The following PPAN variants were observed in gnomAD, a reference collection of about 807,000 sequenced individuals.
PPAN encodes the protein peter pan homolog.
In PPAN, 39 loss-of-function variants were observed where a neutral mutation model predicts 48.5. The observed-to-expected ratio is 0.80, with a 90% CI of 0.62 to 1.05. The LOEUF is 1.05. Among genes scored for constraint, PPAN ranks in the 50% least tolerant of loss-of-function variants. The probability of loss-of-function intolerance (pLI) is 0.00; values close to 1 mark genes in which losing one functional copy is unlikely to be tolerated. For missense variants in PPAN, 736 were observed against 661.7 expected (o/e 1.11, Z -1.23); for synonymous variants, 315 against 268.6 (o/e 1.17, Z -1.69).
intron 2 of PPAN, 152 bp downstream of exon 2, chr19:10,106,823 G>C: frequency 7.8e-7 from 1 of 1,274,492 alleles, no homozygotes; most frequent in South Asian, 1.6e-5. Flanking sequence ...TGCCTTTCAG[G>C]GCTTTTGCTG....
chr19:10,111,371 C>T lies in PPAN; in HGVS notation c.*206C>T. ...AACCCAGAGAGTCCTGGGCCGGCCA[C>T]ACCCGAGAGTCCCTCCCACCTGGTT... On this transcript the variant is annotated 3_prime_UTR_variant, in exon 12 of 12. Coordinates refer to ENST00000253107, the MANE Select transcript of PPAN (RefSeq NM_020230.7). The T allele has an allele frequency of 1.4e-6, 1 of 694,784 alleles. No homozygotes were observed. Among genetic ancestry groups the T allele is most frequent in the Admixed American group, 2.9e-5 (1 of 33,950 alleles). 43.0% of individuals were successfully genotyped at this position (694,784 alleles called of 1,614,324 possible). A position where few individuals can be genotyped will look rare whatever the true frequency, so the allele number is the denominator to read the frequency against.
Position 10,111,020 on chromosome 19 carries a change from G to C in PPAN, c.1277G>C (p.Arg426Pro), listed in dbSNP as rs867913672. 27 of 1,613,454 alleles carry C rather than the reference G, an allele frequency of 1.7e-5. No individual in the cohort carries two copies. In the Admixed American group the frequency reaches 3.7e-4, roughly 22 times the overall value. The change falls in exon 12 of 12, where the codon CGA becomes CCA. Residue 426 changes from arginine to proline, a missense_variant. Physicochemically the swap from Arg to Pro is moderately radical, Grantham distance 103. Coordinates refer to ENST00000253107, the MANE Select transcript of PPAN (RefSeq NM_020230.7). The stretch of plus-strand genomic sequence containing the variant: ...AAGCGGAAGCGGTGGGAAATGGATC[G>C]AGGCAGGGGTCGCCTTTGTGACCAG... The part of the protein sequence containing the change: ...GRKRKRWEMD[R>P]GRGRLCDQKF...
At position 10,106,823 on chromosome 19, in the gene PPAN, G is replaced by A; in HGVS notation, c.189+152G>A. ...GGGGAGCATCATTTCTGCCTTTCAG[G>A]GCTTTTGCTGGGCTGGAGTGAGGGC... On this transcript the variant is annotated intron_variant, in intron 2 of 11. Coordinates refer to ENST00000253107, the MANE Select transcript of PPAN (RefSeq NM_020230.7). 19 of 1,274,492 alleles carry A rather than the reference G, an allele frequency of 1.5e-5. No homozygotes were observed. The South Asian group carries it at 2.0e-4, about 14-fold the overall frequency. The allele number at this position is 1,274,492 out of a possible 1,614,324, so 78.9% of individuals were successfully genotyped here.
intron 6 of PPAN, 37 bp from the exon 7 acceptor site, chr19:10,109,876 C>T: frequency 6.2e-7 from 1 of 1,610,760 alleles, no homozygotes; most frequent in Non-Finnish European, 8.5e-7. Context: ...CACGTGCCCC[C>T]TGACCACCCC....
chr19:10,107,479 T>C (rs752932749), intron 2 of PPAN, 26 bp from the exon 3 acceptor site: 36 of 1,610,344 alleles, frequency 2.2e-5, no homozygotes, highest in Non-Finnish European at 2.8e-5. Context: ...AGCTATGTTT[T>C]CTTTTTTTCT....
chr19:10,107,169 C>T (rs2088858648), intron 2 of PPAN, among the ~76,000 whole-genome samples: 1 of 151,910 alleles, frequency 6.6e-6, no homozygotes, highest in African/African-American at 2.4e-5. Context: ...TCTGGGCGAC[C>T]GGAGGAGACC....
At chr19:10,108,275 C>T (rs2088909566) in intron 5 of PPAN, 141 bp downstream of exon 5, 6 of 1,289,418 alleles carry the variant, frequency 4.7e-6, no homozygotes, top group Non-Finnish European at 6.2e-6. Context: ...TCAAATCCCA[C>T]TCCTGTGTCT....
chr19:10,106,698 C>G, intron 2 of PPAN, 27 bp downstream of exon 2: 1 of 1,508,148 alleles, frequency 6.6e-7, no homozygotes, highest in African/African-American at 1.4e-5. Context: ...CAGCCCGCCT[C>G]CACCCACCCT....
In PPAN at chr19:10,108,035, A is replaced by G; in HGVS notation, c.414A>G (p.Pro138=). 6.2e-7 allele frequency: 1 copy of G among 1,613,422 alleles called. No individual in the cohort carries two copies. Among genetic ancestry groups the G allele is most frequent in the Non-Finnish European group, 8.5e-7 (1 of 1,179,800 alleles). ...HRMHEQQFAH[P]PLLVLNSFGP... The stretch of plus-strand genomic sequence containing the variant: ...TGCACGAGCAGCAGTTTGCCCACCC[A>G]CCCCTCCTGGTACTCAACAGCTTTG... Residue 138 remains proline, a synonymous_variant, in exon 5 of 12, where the codon CCA becomes CCG. Coordinates refer to ENST00000253107, the MANE Select transcript of PPAN (RefSeq NM_020230.7).
chr19:10,110,786 A>G lies in PPAN; in HGVS notation c.1121A>G (p.Glu374Gly), dbSNP rs1159411719. 1.2e-6 allele frequency: 2 copies of G among 1,613,904 alleles called. No individual in the cohort carries two copies. Among genetic ancestry groups the G allele is most frequent in the Middle Eastern group, 1.6e-4 (1 of 6,062 alleles). Residue 374 changes from glutamate to glycine, a missense_variant, in exon 11 of 12, where the codon GAG becomes GGG. Transcript: ENST00000253107. The surrounding 1 kb of genome is among the most constrained non-coding windows in gnomAD (Gnocchi z 5.9). ...SGIPSRTASL[E>G]LGEDDDEQED... ...ATCCCTTCAAGGACGGCGAGCCTGG[A>G]GTTGGGTGAGGACGATGATGAACAG...
chr19:10,110,237 G>A lies in PPAN; in HGVS notation c.813G>A (p.Arg271=). 2 of 1,611,300 alleles carry A rather than the reference G, an allele frequency of 1.2e-6. No homozygotes were observed. Among genetic ancestry groups the A allele is most frequent in the Non-Finnish European group, 8.5e-7 (1 of 1,179,612 alleles). ...GNMRAQQSAV[R]LTEIGPRMTL... The stretch of plus-strand genomic sequence containing the variant: ...TGCGGGCCCAGCAGAGTGCAGTGCG[G>A]CTCACCGAGGTGAGGCCCAGGGCAG... Residue 271 remains arginine, a synonymous_variant, in exon 8 of 12, where the codon CGG becomes CGA. Coordinates refer to ENST00000253107, the MANE Select transcript of PPAN (RefSeq NM_020230.7). This position sits in a 1 kb window ranked among gnomAD's most constrained non-coding sequence, Gnocchi z 5.9.
chr19:10,107,445 T>C (rs2090716449), intron 2 of PPAN, 60 bp from the exon 3 acceptor site: 2 of 1,577,198 alleles, frequency 1.3e-6, no homozygotes, highest in African/African-American at 1.3e-5. Flanking sequence ...CACCGTCAGC[T>C]TATAGTTGTC....
At position 10,111,591 on chromosome 19, in the gene PPAN, C is replaced by T. The variant is rs566358753; in HGVS notation, c.*426C>T. On this transcript the variant is annotated 3_prime_UTR_variant, in exon 12 of 12. Coordinates refer to ENST00000253107, the MANE Select transcript of PPAN (RefSeq NM_020230.7). ...GGAAGGAAACGTGGGTGGAAAGGCACGCTGGCCTGCTCTGCTGGCTGGGCC... is the reference window on the plus strand; with the variant it reads ...GGAAGGAAACGTGGGTGGAAAGGCATGCTGGCCTGCTCTGCTGGCTGGGCC... The T allele has an allele frequency of 1.6e-5, 19 of 1,158,350 alleles. No homozygotes were observed. Among genetic ancestry groups the T allele is most frequent in the South Asian group, 6.4e-5 (5 of 78,354 alleles). The allele number at this position is 1,158,350 out of a possible 1,614,324, so 71.8% of individuals were successfully genotyped here.
In PPAN at chr19:10,110,932, T is replaced by C; in HGVS notation, c.1202-13T>C. The C allele has an allele frequency of 1.2e-6, 2 of 1,613,140 alleles. No individual in the cohort carries two copies. The highest frequency in any genetic ancestry group is 1.7e-6 in the Non-Finnish European group (2 of 1,179,824). ...CTTGTCTCTGGGGGCCCTGACACTG[T>C]CTCTCCCCACAGACCTGTTCCCCGA... On this transcript the variant is annotated splice_polypyrimidine_tract_variant and intron_variant, in intron 11 of 11. Coordinates refer to ENST00000253107, the MANE Select transcript of PPAN (RefSeq NM_020230.7). This position sits in a 1 kb window ranked among gnomAD's most constrained non-coding sequence, Gnocchi z 5.9.
chr19:10,108,478 A>G (rs940089340), intron 5 of PPAN, among the ~76,000 whole-genome samples: 3 of 151,996 alleles, frequency 2.0e-5, no homozygotes, highest in Non-Finnish European at 4.4e-5. Flanking sequence ...GCCCAGTGCT[A>G]TGGCTTCGGC....
In PPAN at chr19:10,109,556, G is replaced by T; in HGVS notation, c.514-75G>T. 4 of 1,477,062 alleles carry T rather than the reference G, an allele frequency of 2.7e-6. No homozygotes were observed. The South Asian group carries it at 5.0e-5, about 18-fold the overall frequency. 91.5% of individuals were successfully genotyped at this position (1,477,062 alleles called of 1,614,324 possible). The stretch of plus-strand genomic sequence containing the variant: ...GTGCCACAGTCCACGAACAGTGTGT[G>T]TATCCCCCAAAGCCCCCACTTCCCC... On this transcript the variant is annotated intron_variant, in intron 5 of 11. Transcript: ENST00000253107.
In PPAN at chr19:10,106,371, A is replaced by G; in HGVS notation, c.-24A>G. The G allele has an allele frequency of 2.6e-6, 4 of 1,549,116 alleles. No individual in the cohort carries two copies. Among genetic ancestry groups the G allele is most frequent in the Non-Finnish European group, 3.5e-6 (4 of 1,145,860 alleles). ...CAGCGCCGGAAGCGGCGGACGCAGG[A>G]GGCCTCGTGGAGGACACAGCAGCAT... On this transcript the variant is annotated 5_prime_UTR_variant, in exon 1 of 12. Coordinates refer to ENST00000253107, the MANE Select transcript of PPAN (RefSeq NM_020230.7).
rs2010353 is a variant in PPAN at position 10,111,882 on chromosome 19, G to T, written c.*717G>T. ...ATCCCAGCACTTTGGGAGGTCGAGG[G>T]GGGTGGAACACGAGGTCAGGGGTTC... On this transcript the variant is annotated 3_prime_UTR_variant, in exon 12 of 12. Transcript: ENST00000253107. 0.59 allele frequency: 527,297 copies of T among 899,290 alleles called. 157,291 individuals carry two copies. The highest frequency in any genetic ancestry group is 0.71 in the East Asian group (26,278 of 37,272). 55.7% of individuals were successfully genotyped at this position (899,290 alleles called of 1,614,324 possible).
Position 10,107,969 on chromosome 19 carries a change from G to C in PPAN, c.348G>C (p.Ser116=). 1 of 1,607,484 alleles carries C rather than the reference G, an allele frequency of 6.2e-7. No homozygotes were observed. Residue 116 remains serine, a synonymous_variant, in exon 5 of 12, where the codon TCG becomes TCC. Coordinates refer to ENST00000253107, the MANE Select transcript of PPAN (RefSeq NM_020230.7). The part of the protein sequence containing the change: ...PTLTFQVKKY[S]LVRDVVSSLR... ...TCCTCTCTCCTGTCCTACAGTACTC[G>C]CTGGTGCGTGATGTGGTCTCCTCAC...
Sources: allele counts gnomAD v4.1 joint callset (sites outside exome capture counted in the v4.1 genomes callset), GRCh38; gene constraint gnomAD v4.1.1; non-coding constraint Gnocchi (gnomAD v3.1); transcripts MANE v1.5; gene names NCBI Gene and HGNC (gene_info 2026-07-23, HGNC 2026-07-21).